DCC: variants seen among roughly 807,000 people sequenced by gnomAD.
DCC encodes the protein netrin receptor DCC.
A neutral mutation model predicts 172.5 loss-of-function variants in DCC; 58 were observed. That is an observed-to-expected ratio of 0.34 (90% confidence interval 0.27 to 0.42). DCC has a LOEUF of 0.42. DCC is among the 10% of genes least tolerant of loss of function. The pLI, the probability that DCC is intolerant of heterozygous loss-of-function variation, is 1.00. For synonymous variants in DCC, 709 were observed against 644.5 expected (o/e 1.10, Z -1.52); for missense variants, 1,740 against 1,791.0 (o/e 0.97, Z 0.51).
At chr18:53,216,046 G>A (rs2055842024) in intron 12 of DCC, among the ~76,000 whole-genome samples, 1 of 152,096 alleles carries the variant, frequency 6.6e-6, no homozygotes, top group Non-Finnish European at 1.5e-5. Flanking sequence ...TATAAATGTA[G>A]TCATTGAAGG....
At chr18:53,318,024 T>C (rs966929090) in intron 13 of DCC, among the ~76,000 whole-genome samples, 2 of 152,188 alleles carry the variant, frequency 1.3e-5, no homozygotes, top group African/African-American at 4.8e-5. Flanking sequence ...TTCTGCTAGC[T>C]TTTGAATTTG....
intron 1 of DCC, among the ~76,000 whole-genome samples, chr18:52,511,829 G>A (rs979251382): frequency 6.6e-6 from 1 of 152,174 alleles, no homozygotes; most frequent in African/African-American, 2.4e-5. Flanking sequence ...AACACAGAGA[G>A]TTTCATTTTC....
intron 1 of DCC, among the ~76,000 whole-genome samples, chr18:52,694,080 A>C (rs1245006843): frequency 6.6e-6 from 1 of 152,134 alleles, no homozygotes; most frequent in Non-Finnish European, 1.5e-5. Flanking sequence ...AGTCATGTTA[A>C]TAGCATGTCC....
intron 12 of DCC, among the ~76,000 whole-genome samples, chr18:53,248,354 G>C (rs892882784): frequency 6.6e-6 from 1 of 151,956 alleles, no homozygotes; most frequent in African/African-American, 2.4e-5. Context: ...TGGGCATACT[G>C]TGGCCAATGA....
At chr18:53,361,518 C>T (rs1330139068) in intron 15 of DCC, among the ~76,000 whole-genome samples, 1 of 152,162 alleles carries the variant, frequency 6.6e-6, no homozygotes, top group Non-Finnish European at 1.5e-5. Context: ...CATTAGAAGA[C>T]TCTAGGCAGT....
chr18:53,431,620 G>A (rs1911624192), intron 21 of DCC, among the ~76,000 whole-genome samples: 1 of 151,820 alleles, frequency 6.6e-6, no homozygotes, highest in Non-Finnish European at 1.5e-5. Flanking sequence ...GAGTAGCTGG[G>A]ACTACAGGCA....
intron 12 of DCC, among the ~76,000 whole-genome samples, chr18:53,266,370 A>T: frequency 6.6e-6 from 1 of 151,978 alleles, no homozygotes. Context: ...CACTTAATAC[A>T]TTTTTTTATT....
intron 5 of DCC, among the ~76,000 whole-genome samples, chr18:52,988,935 C>G (rs181243069): frequency 2.0e-5 from 3 of 151,404 alleles, no homozygotes; most frequent in Admixed American, 2.0e-4. Context: ...TTGAAAAATC[C>G]AAGCGATATC....
At chr18:52,485,289 G>T (rs1010529971) in intron 1 of DCC, among the ~76,000 whole-genome samples, 8 of 152,162 alleles carry the variant, frequency 5.3e-5, no homozygotes, top group African/African-American at 1.7e-4. Context: ...CATAGAAATT[G>T]TTCTTAACTT....
intron 1 of DCC, among the ~76,000 whole-genome samples, chr18:52,473,942 C>A: frequency 6.6e-6 from 1 of 152,058 alleles, no homozygotes; most frequent in Non-Finnish European, 1.5e-5. Context: ...TTCTGACATC[C>A]TCAGGAGCAG....
intron 8 of DCC, 146 bp downstream of exon 8, chr18:53,157,658 G>A: frequency 1.2e-6 from 1 of 815,570 alleles, no homozygotes; most frequent in South Asian, 1.5e-5. Flanking sequence ...CCCCAGTGGA[G>A]ATGTGCACTT....
intron 5 of DCC, among the ~76,000 whole-genome samples, chr18:52,935,102 C>T (rs1406824044): frequency 6.6e-6 from 1 of 152,086 alleles, no homozygotes; most frequent in Non-Finnish European, 1.5e-5. Flanking sequence ...AAGTGAGCAA[C>T]AATGAAGACT....
At chr18:52,850,258 AAAGTT>A (rs2038955270) in intron 2 of DCC, among the ~76,000 whole-genome samples, 1 of 152,214 alleles carries the variant, frequency 6.6e-6, no homozygotes, top group African/African-American at 2.4e-5. Flanking sequence ...CTTCGGAAGT[AAAGTT>A]AATTAATCTG....
chr18:53,502,094 T>C (rs974130008), intron 27 of DCC, among the ~76,000 whole-genome samples: 1 of 152,184 alleles, frequency 6.6e-6, no homozygotes. Flanking sequence ...TTTCTTTTAT[T>C]TTCATGGTAC....
At chr18:53,261,106 C>T (rs1402842419) in intron 12 of DCC, among the ~76,000 whole-genome samples, 3 of 152,140 alleles carry the variant, frequency 2.0e-5, no homozygotes, top group Non-Finnish European at 4.4e-5. Context: ...TCTCTCACCC[C>T]TTTCTTTGAC....
intron 2 of DCC, among the ~76,000 whole-genome samples, chr18:52,902,282 A>G: frequency 6.6e-6 from 1 of 152,198 alleles, no homozygotes; most frequent in East Asian, 1.9e-4. Flanking sequence ...GAACTTCAAG[A>G]TTTCCTGAGT....
At position 52,981,536 on chromosome 18, in the gene DCC, T is replaced by G. The variant is rs543821161; in HGVS notation, c.985+56166T>G. ...CCATTCTGATTGGAAAAAAAAAAATTGTCCTTTGAAAATTGGTCTCATTAG... is the reference window on the plus strand; with the variant it reads ...CCATTCTGATTGGAAAAAAAAAAATGGTCCTTTGAAAATTGGTCTCATTAG... On this transcript the variant is annotated intron_variant, in intron 5 of 28. Transcript: ENST00000442544. 3.3e-5 allele frequency among the ~76,000 whole-genome samples: 5 copies of G among 152,210 alleles called. No individual in the cohort carries two copies. In the South Asian group the frequency reaches 1.0e-3, roughly 32 times the overall value.
intron 18 of DCC, among the ~76,000 whole-genome samples, chr18:53,401,560 T>G (rs1016558176): frequency 6.6e-6 from 1 of 152,020 alleles, no homozygotes; most frequent in East Asian, 1.9e-4. Context: ...TTCTGCAATA[T>G]ATGACCAACA....
chr18:52,340,426 C>T lies in DCC; in HGVS notation c.-362C>T, dbSNP rs1347591772. ...TGCCTTCCATCTCCTCTTGGTCCCTCCTGGATGTGGTTTATTGATGACTTG... is the reference window on the plus strand; with the variant it reads ...TGCCTTCCATCTCCTCTTGGTCCCTTCTGGATGTGGTTTATTGATGACTTG... On this transcript the variant is annotated 5_prime_UTR_variant, in exon 1 of 29. Coordinates refer to ENST00000442544, the MANE Select transcript of DCC (RefSeq NM_005215.4). The T allele has an allele frequency of 2.7e-6, 1 of 368,288 alleles. No individual in the cohort carries two copies. Among genetic ancestry groups the T allele is most frequent in the Non-Finnish European group, 5.2e-6 (1 of 194,122 alleles). The allele number at this position is 368,288 out of a possible 1,614,324, so 22.8% of individuals were successfully genotyped here.
Sources: allele counts gnomAD v4.1 joint callset (sites outside exome capture counted in the v4.1 genomes callset), GRCh38; gene constraint gnomAD v4.1.1; transcripts MANE v1.5; gene names NCBI Gene and HGNC (gene_info 2026-07-23, HGNC 2026-07-21).